ITGA11: variants seen among roughly 807,000 people sequenced by gnomAD.
The protein encoded by ITGA11 is integrin alpha-11.
A neutral mutation model predicts 141.9 loss-of-function variants in ITGA11; 97 were observed. The ratio of observed to expected loss-of-function variants is 0.68; its 90% CI spans 0.58 to 0.81. The LOEUF is 0.81. ITGA11 is among the 30% of genes least tolerant of loss of function. ITGA11 has a pLI of 0.00. For missense variants in ITGA11, 1,387 were observed against 1,559.2 expected (o/e 0.89, Z 1.86); for synonymous variants, 658 against 624.6 (o/e 1.05, Z -0.80).
chr15:68,367,004 C>T (rs1450882372), intron 3 of ITGA11, among the ~76,000 whole-genome samples: 1 of 152,194 alleles, frequency 6.6e-6, no homozygotes, highest in Non-Finnish European at 1.5e-5. Context: ...GTTTCCCAGC[C>T]TTGCATTTTC....
At chr15:68,420,621 GGAGT>G (rs1350358009) in intron 1 of ITGA11, among the ~76,000 whole-genome samples, 3 of 149,002 alleles carry the variant, frequency 2.0e-5, no homozygotes, top group African/African-American at 5.2e-5. Context: ...TTATCTAAAA[GGAGT>G]GATTGATTAG....
At chr15:68,352,556 G>A (rs1894948480) in intron 7 of ITGA11, among the ~76,000 whole-genome samples, 1 of 152,080 alleles carries the variant, frequency 6.6e-6, no homozygotes, top group Admixed American at 6.5e-5. Context: ...CTTTAGTACT[G>A]AAAACAGGAT....
At chr15:68,405,912 GCACA>G (rs369810967) in intron 1 of ITGA11, among the ~76,000 whole-genome samples, 82 of 152,112 alleles carry the variant, frequency 5.4e-4, no homozygotes, top group Middle Eastern at 6.8e-3. Flanking sequence ...GCACGCACGT[GCACA>G]CACACACAGA....
chr15:68,342,996 C>CT, intron 10 of ITGA11, among the ~76,000 whole-genome samples: 1 of 112,564 alleles, frequency 8.9e-6, no homozygotes, highest in African/African-American at 3.6e-5. Flanking sequence ...TGGGCAAGTT[C>CT]TTCTCTCTCT....
rs150238941 is a variant in ITGA11 at position 68,311,876 on chromosome 15, G to A, written c.2974-473C>T. Among the ~76,000 whole-genome samples the A allele has an allele frequency of 5.2e-4, 79 of 152,324 alleles. 1 individual carries two copies. In the East Asian group the frequency reaches 0.013, roughly 25 times the overall value. The stretch of plus-strand genomic sequence containing the variant: ...TCTAGCAGTGCCACATTCAGTGCCA[G>A]GACAGCAGTGATTCCAAGCAGGGCT... On this transcript the variant is annotated intron_variant, in intron 24 of 29. Transcript: ENST00000315757.
At chr15:68,323,138 T>G (rs2414996) in intron 18 of ITGA11, among the ~76,000 whole-genome samples, 100,744 of 151,990 alleles carry the variant, frequency 0.66, 36,734 homozygotes, top group East Asian at 0.82. Flanking sequence ...CTTTAGGCAT[T>G]GATCTACCCA....
chr15:68,348,762 TAG>T lies in ITGA11; in HGVS notation c.1131+66_1131+67del. 5 of 1,366,904 alleles carry T rather than the reference TAG, an allele frequency of 3.7e-6. No individual in the cohort carries two copies. In the East Asian group the frequency reaches 1.2e-4, roughly 34 times the overall value. The allele number at this position is 1,366,904 out of a possible 1,614,324, so 84.7% of individuals were successfully genotyped here. A position where few individuals can be genotyped will look rare whatever the true frequency, so the allele number is the denominator to read the frequency against. On this transcript the variant is annotated intron_variant, in intron 10 of 29. Transcript: ENST00000315757. ...AAGGTGGATGACAGATCCAGAGAGC[TAG>T]AAAGGGGAAGAGCATGCCCTCGAGA... is the stretch of plus-strand genomic sequence containing the variant.
chr15:68,397,900 A>G (rs1485278353), intron 2 of ITGA11, among the ~76,000 whole-genome samples: 1 of 148,874 alleles, frequency 6.7e-6, no homozygotes, highest in Non-Finnish European at 1.5e-5. Flanking sequence ...ATCCAGCCAA[A>G]CTAAGCTTCA....
chr15:68,351,170 C>T, intron 8 of ITGA11, 88 bp downstream of exon 8: 1 of 1,427,962 alleles, frequency 7.0e-7, no homozygotes, highest in Non-Finnish European at 9.6e-7. Context: ...TGTGATACTG[C>T]CTGGAACTAG....
At chr15:68,342,902 C>T (rs1975874) in intron 10 of ITGA11, among the ~76,000 whole-genome samples, 56,948 of 151,820 alleles carry the variant, frequency 0.38, 10,966 homozygotes, top group East Asian at 0.52. Context: ...GGATCCCTGG[C>T]GTGGTGGTGA....
rs1892985078 is a variant in ITGA11, at chr15:68,299,737, G to C, written c.*3322C>G. 1 of 152,192 alleles carries C rather than the reference G, an allele frequency of 6.6e-6. No homozygotes were observed. Among genetic ancestry groups the C allele is most frequent in the Non-Finnish European group, 1.5e-5 (1 of 68,018 alleles). The allele number at this position is 152,192 out of a possible 1,614,324, so 9.4% of individuals were successfully genotyped here. A position where few individuals can be genotyped will look rare whatever the true frequency, so the allele number is the denominator to read the frequency against. ...TAATGTCTTATTCTCAGACAGTATT[G>C]ATGCTAAAACCTTTTGAATACTGAC... On this transcript the variant is annotated 3_prime_UTR_variant, in exon 30 of 30. Transcript: ENST00000315757.
rs960991220 is a variant in ITGA11, at chr15:68,345,369, G to A, written c.1131+3461C>T. Among the ~76,000 whole-genome samples, 9 of 152,190 alleles carry A rather than the reference G, an allele frequency of 5.9e-5. No homozygotes were observed. The South Asian group carries it at 1.5e-3, about 25-fold the overall frequency. ...CCCGGGTTTTCCCAATGGCTCAGAC[G>A]TTTTGCCTTCAGCCTGGAATGTAAT... On this transcript the variant is annotated intron_variant, in intron 10 of 29. Coordinates refer to ENST00000315757, the MANE Select transcript of ITGA11 (RefSeq NM_001004439.2).
At chr15:68,339,094 A>T (rs1277345209) in intron 11 of ITGA11, among the ~76,000 whole-genome samples, 1 of 152,200 alleles carries the variant, frequency 6.6e-6, no homozygotes, top group Non-Finnish European at 1.5e-5. Flanking sequence ...TATGAACATT[A>T]AGAAATAAAA....
chr15:68,317,114 G>A, intron 21 of ITGA11, 151 bp downstream of exon 21: 1 of 632,868 alleles, frequency 1.6e-6, no homozygotes, highest in Non-Finnish European at 2.8e-6. Context: ...ATGTAATTTT[G>A]TGGGAGAAAA....
In ITGA11 at chr15:68,297,576, A is replaced by T. The variant is rs1338356391; in HGVS notation, c.*5483T>A. 1.3e-5 allele frequency: 2 copies of T among 150,806 alleles called. No homozygotes were observed. The highest frequency in any genetic ancestry group is 2.0e-4 in the East Asian group (1 of 5,128). 9.3% of individuals were successfully genotyped at this position (150,806 alleles called of 1,614,324 possible). ...TTACAACTATTTTCCTTTTATTACC[A>T]CTACGTACTTCTAAATATTAATGTT... On this transcript the variant is annotated 3_prime_UTR_variant, in exon 30 of 30. Coordinates refer to ENST00000315757, the MANE Select transcript of ITGA11 (RefSeq NM_001004439.2).
intron 21 of ITGA11, among the ~76,000 whole-genome samples, chr15:68,316,177 G>A (rs1567125276): frequency 6.6e-6 from 1 of 152,190 alleles, no homozygotes; most frequent in Non-Finnish European, 1.5e-5. Flanking sequence ...TTCTTTGTGT[G>A]TGGCAGGGAG....
chr15:68,374,015 C>T (rs145538923), intron 2 of ITGA11, among the ~76,000 whole-genome samples: 211 of 152,210 alleles, frequency 1.4e-3, no homozygotes, highest in African/African-American at 4.8e-3. Flanking sequence ...TTAAAACATC[C>T]TAATGTTTAG....
In ITGA11 at chr15:68,315,547, C is replaced by T. The variant is rs990722517; in HGVS notation, c.2792+104G>A. On this transcript the variant is annotated intron_variant, in intron 22 of 29. Coordinates refer to ENST00000315757, the MANE Select transcript of ITGA11 (RefSeq NM_001004439.2). Reference sequence around the variant, plus strand: ...AAGGTTGGGGCAGTGGGGGACAGGGCGTGGGGCAGCGGACTCAGTGTCGGG... The same window carrying T: ...AAGGTTGGGGCAGTGGGGGACAGGGTGTGGGGCAGCGGACTCAGTGTCGGG... 650 of 960,132 alleles carry T rather than the reference C, an allele frequency of 6.8e-4. 7 individuals are homozygous for T. The highest frequency in any genetic ancestry group is 8.0e-5 in the Admixed American group (4 of 50,068). 59.5% of individuals were successfully genotyped at this position (960,132 alleles called of 1,614,324 possible). A position where few individuals can be genotyped will look rare whatever the true frequency, so the allele number is the denominator to read the frequency against.
chr15:68,389,692 G>C (rs1355601107), intron 2 of ITGA11, among the ~76,000 whole-genome samples: 4 of 152,202 alleles, frequency 2.6e-5, no homozygotes, highest in Admixed American at 2.6e-4. Flanking sequence ...TGTCCCTAGA[G>C]AGTCCCCTTT....
Sources: allele counts gnomAD v4.1 joint callset (sites outside exome capture counted in the v4.1 genomes callset), GRCh38; gene constraint gnomAD v4.1.1; transcripts MANE v1.5; gene names NCBI Gene and HGNC (gene_info 2026-07-23, HGNC 2026-07-21).